Variants in FAM135B observed in about 807,000 individuals in gnomAD.
The protein encoded by FAM135B is family with sequence similarity 135 member B, also known as protein FAM135B.
FAM135B carries 43 observed loss-of-function variants against 127.7 expected under a neutral mutation model. That is an observed-to-expected ratio of 0.34 (90% CI 0.26 to 0.43). FAM135B has a LOEUF of 0.43. Among genes scored for constraint, FAM135B ranks in the 20% least tolerant of loss-of-function variants. The pLI is 1.00. For synonymous variants in FAM135B, 670 were observed against 665.1 expected (o/e 1.01, Z -0.11); for missense variants, 1,558 against 1,725.6 (o/e 0.90, Z 1.72).
intron 16 of FAM135B, among the ~76,000 whole-genome samples, chr8:138,142,430 A>C (rs1817273127): frequency 6.7e-6 from 1 of 149,620 alleles, no homozygotes; most frequent in Non-Finnish European, 1.5e-5. Context: ...CAGCCTCCTG[A>C]GTAGCTGGGA....
chr8:138,279,383 A>G (rs112902136), intron 3 of FAM135B, among the ~76,000 whole-genome samples: 99 of 152,168 alleles, frequency 6.5e-4, no homozygotes, highest in African/African-American at 2.3e-3. Flanking sequence ...AGAGGCACAT[A>G]ATTAGTCTTT....
intron 3 of FAM135B, among the ~76,000 whole-genome samples, chr8:138,269,597 C>G (rs910769877): frequency 6.6e-6 from 1 of 152,196 alleles, no homozygotes; most frequent in Non-Finnish European, 1.5e-5. Context: ...CCCCATTAGA[C>G]TATGGGTTCC....
rs928052951 is a variant in FAM135B, at chr8:138,444,155, T to C, written c.-20+52516A>G. ...GGAGCACCCAGATTCATAAAGCAAG[T>C]CCTTAGAGACCTACAAAGAGACTTA... On this transcript the variant is annotated intron_variant, in intron 1 of 19. Transcript: ENST00000395297. Among the ~76,000 whole-genome samples, 4 of 152,140 alleles carry C rather than the reference T, an allele frequency of 2.6e-5. No homozygotes were observed. In the East Asian group the frequency reaches 5.8e-4, roughly 22 times the overall value.
At chr8:138,313,207 C>G (rs1296426381) in intron 2 of FAM135B, among the ~76,000 whole-genome samples, 1 of 152,200 alleles carries the variant, frequency 6.6e-6, no homozygotes, top group Non-Finnish European at 1.5e-5. Flanking sequence ...TCTCGGCTCA[C>G]TGCAACTTCC....
chr8:138,149,725 C>T (rs1318253674), intron 13 of FAM135B, among the ~76,000 whole-genome samples: 1 of 152,112 alleles, frequency 6.6e-6, no homozygotes, highest in South Asian at 2.1e-4. Flanking sequence ...CTCTAGGAAG[C>T]TTTGCCTGGC....
At chr8:138,461,391 T>C (rs1349067182) in intron 1 of FAM135B, among the ~76,000 whole-genome samples, 3 of 152,162 alleles carry the variant, frequency 2.0e-5, no homozygotes, top group Non-Finnish European at 2.9e-5. Flanking sequence ...TGACTTTTTG[T>C]AGTGAAGAGA....
intron 2 of FAM135B, among the ~76,000 whole-genome samples, chr8:138,352,124 G>A (rs1381306151): frequency 6.6e-6 from 1 of 152,144 alleles, no homozygotes; most frequent in Non-Finnish European, 1.5e-5. Context: ...TACAGACATT[G>A]GGAAACCATT....
intron 7 of FAM135B, 85 bp from the exon 8 acceptor site, chr8:138,197,754 C>A (rs2131143171): frequency 7.0e-7 from 1 of 1,428,528 alleles, no homozygotes; most frequent in East Asian, 2.3e-5. Flanking sequence ...TCCACCCGCA[C>A]CAACATTCAC....
At chr8:138,209,769 A>G (rs1333009650) in intron 7 of FAM135B, among the ~76,000 whole-genome samples, 2 of 152,144 alleles carry the variant, frequency 1.3e-5, no homozygotes, top group Admixed American at 1.3e-4. Flanking sequence ...CATGGTATAA[A>G]TTTTACATAA....
chr8:138,271,114 T>C (rs1823340689), intron 3 of FAM135B, among the ~76,000 whole-genome samples: 3 of 152,266 alleles, frequency 2.0e-5, no homozygotes, highest in Admixed American at 6.5e-5. Context: ...TGATGTGACA[T>C]GGGAAAAGTA....
At chr8:138,322,351 G>T (rs1398730710) in intron 2 of FAM135B, among the ~76,000 whole-genome samples, 1 of 152,076 alleles carries the variant, frequency 6.6e-6, no homozygotes, top group African/African-American at 2.4e-5. Context: ...GCTTCCTCTG[G>T]TCTGGCTAGG....
intron 3 of FAM135B, among the ~76,000 whole-genome samples, chr8:138,267,039 C>A (rs1822994559): frequency 6.6e-6 from 1 of 152,154 alleles, no homozygotes; most frequent in Non-Finnish European, 1.5e-5. Context: ...GAGGCAGGTG[C>A]CTAAATATGC....
intron 11 of FAM135B, among the ~76,000 whole-genome samples, chr8:138,168,689 T>C (rs1340442529): frequency 3.3e-5 from 5 of 152,342 alleles, no homozygotes; most frequent in African/African-American, 9.6e-5. Flanking sequence ...ATAATCACCA[T>C]TCCTAATTCG....
intron 2 of FAM135B, among the ~76,000 whole-genome samples, chr8:138,315,068 T>A (rs1826977868): frequency 6.6e-6 from 1 of 152,060 alleles, no homozygotes; most frequent in African/African-American, 2.4e-5. Context: ...ATATGTCTGA[T>A]AAGGGATTAG....
intron 18 of FAM135B, among the ~76,000 whole-genome samples, chr8:138,137,843 C>A (rs903201152): frequency 6.6e-6 from 1 of 152,128 alleles, no homozygotes; most frequent in Non-Finnish European, 1.5e-5. Flanking sequence ...TGTATCCCTG[C>A]AGGCCTCAGA....
In FAM135B at chr8:138,241,731, A is replaced by G. The variant is rs535318537; in HGVS notation, c.669+1211T>C. Among the ~76,000 whole-genome samples, 13 of 152,342 alleles carry G rather than the reference A, an allele frequency of 8.5e-5. No homozygotes were observed. Among genetic ancestry groups the G allele is most frequent in the Non-Finnish European group, 1.2e-4 (8 of 68,034 alleles). ...TCAGAAATTAGTAGTGATAGTTACTATTAATGTGACAGTTACTTTTACGTG... is the reference window on the plus strand; with the variant it reads ...TCAGAAATTAGTAGTGATAGTTACTGTTAATGTGACAGTTACTTTTACGTG... On this transcript the variant is annotated intron_variant, in intron 7 of 19. Coordinates refer to ENST00000395297, the MANE Select transcript of FAM135B (RefSeq NM_015912.4). This position sits in a 1 kb window ranked among gnomAD's most constrained non-coding sequence, Gnocchi z 4.8.
chr8:138,365,125 G>GC (rs1563938701), intron 2 of FAM135B, among the ~76,000 whole-genome samples: 1 of 152,154 alleles, frequency 6.6e-6, no homozygotes, highest in Non-Finnish European at 1.5e-5. Flanking sequence ...GGGATTACAG[G>GC]CGTGAGTCAC....
chr8:138,360,511 T>C (rs373656611), intron 2 of FAM135B, among the ~76,000 whole-genome samples: 2 of 152,196 alleles, frequency 1.3e-5, no homozygotes, highest in South Asian at 2.1e-4. Context: ...AGTGTCCTAT[T>C]GGGGAAGAGG....
intron 1 of FAM135B, among the ~76,000 whole-genome samples, chr8:138,424,343 CT>C (rs890713675): frequency 1.3e-5 from 2 of 152,196 alleles, no homozygotes; most frequent in African/African-American, 4.8e-5. Context: ...TCCATGACAT[CT>C]TCACAATTTA....
Sources: gnomAD v4.1 joint callset for allele counts (sites outside exome capture counted in the v4.1 genomes callset) on GRCh38, gnomAD v4.1.1 for gene constraint, Gnocchi (gnomAD v3.1) non-coding constraint, MANE v1.5 for transcripts, NCBI Gene and HGNC (gene_info 2026-07-23, HGNC 2026-07-21) for gene names.